GALNT13: variants seen among roughly 807,000 people sequenced by gnomAD.
GALNT13 encodes the protein polypeptide N-acetylgalactosaminyltransferase 13.
GALNT13 carries 28 observed loss-of-function variants against 64.2 expected under a neutral mutation model. The ratio of observed to expected loss-of-function variants is 0.44; its 90% CI spans 0.32 to 0.60. The LOEUF is 0.60. Among genes scored for constraint, GALNT13 ranks in the 20% least tolerant of loss-of-function variants. The probability of loss-of-function intolerance (pLI) is 0.05; values close to 1 mark genes in which losing one functional copy is unlikely to be tolerated. For missense variants in GALNT13, 577 were observed against 669.8 expected (o/e 0.86, Z 1.53); for synonymous variants, 214 against 224.6 (o/e 0.95, Z 0.42).
intron 3 of GALNT13, among the ~76,000 whole-genome samples, chr2:154,121,732 G>A (rs924031534): frequency 2.0e-5 from 3 of 148,236 alleles, no homozygotes; most frequent in African/African-American, 4.9e-5. Flanking sequence ...TATTGGTTTC[G>A]GGAATTTTTT....
the GALNT13 span, among the ~76,000 whole-genome samples, chr2:153,369,701 G>A: frequency 6.6e-6 from 1 of 152,116 alleles, no homozygotes; most frequent in Non-Finnish European, 1.5e-5. Flanking sequence ...TCCACCTTGG[G>A]CATTCTTTCT....
chr2:153,568,820 G>C, the GALNT13 span, among the ~76,000 whole-genome samples: 2 of 152,302 alleles, frequency 1.3e-5, no homozygotes, highest in South Asian at 4.1e-4. Context: ...TGGTATTGTG[G>C]ATTAGTTAAT....
At chr2:154,438,521 C>A (rs1043220858) in intron 11 of GALNT13, 71 bp from the exon 12 acceptor site, 2 of 1,167,028 alleles carry the variant, frequency 1.7e-6, no homozygotes, top group Non-Finnish European at 2.5e-6. Context: ...GAAAGCTTCC[C>A]TGGATAGATC....
chr2:153,312,938 A>G, the GALNT13 span, among the ~76,000 whole-genome samples: 1 of 152,234 alleles, frequency 6.6e-6, no homozygotes, highest in East Asian at 1.9e-4. Flanking sequence ...AGCGAATATG[A>G]GAACTTGATA....
chr2:154,225,638 A>G (rs1434472019), intron 4 of GALNT13, among the ~76,000 whole-genome samples: 1 of 152,150 alleles, frequency 6.6e-6, no homozygotes, highest in Non-Finnish European at 1.5e-5. Context: ...AAAATCACAG[A>G]CAAAGGGAGA....
intron 3 of GALNT13, among the ~76,000 whole-genome samples, chr2:154,024,461 C>A (rs182210446): frequency 3.3e-5 from 5 of 152,296 alleles, no homozygotes; most frequent in Non-Finnish European, 7.3e-5. Context: ...ATCACTGATA[C>A]CCTTTCTTCC....
chr2:153,527,636 C>A, the GALNT13 span, among the ~76,000 whole-genome samples: 4 of 152,044 alleles, frequency 2.6e-5, no homozygotes, highest in Admixed American at 1.3e-4. Context: ...AATATTATAA[C>A]CCTGTAACTG....
chr2:153,539,576 G>GT, the GALNT13 span, among the ~76,000 whole-genome samples: 3 of 151,890 alleles, frequency 2.0e-5, no homozygotes, highest in Non-Finnish European at 4.4e-5. Context: ...TGTATAAAGT[G>GT]TAAGGAAGGG....
At chr2:153,409,706 TAAAAAG>T in the GALNT13 span, among the ~76,000 whole-genome samples, 74 of 151,626 alleles carry the variant, frequency 4.9e-4, no homozygotes, top group African/African-American at 1.8e-3. Flanking sequence ...AACTAAGAAA[TAAAAAG>T]AACTGCGTAG....
chr2:153,474,529 A>C, the GALNT13 span, among the ~76,000 whole-genome samples: 1 of 152,200 alleles, frequency 6.6e-6, no homozygotes, highest in Non-Finnish European at 1.5e-5. Context: ...AAAGCTGTCC[A>C]GCACTCAAGC....
chr2:153,886,374 C>T (rs528335991), intron 1 of GALNT13, among the ~76,000 whole-genome samples: 14 of 151,742 alleles, frequency 9.2e-5, no homozygotes, highest in African/African-American at 2.2e-4. Context: ...CCCCCCACCC[C>T]GCAACAGGCC....
the GALNT13 span, among the ~76,000 whole-genome samples, chr2:153,474,885 G>GTT: frequency 3.4e-3 from 162 of 47,094 alleles, no homozygotes; most frequent in African/African-American, 0.011. Context: ...GAACCTGCCT[G>GTT]TTAAATTTAT....
At chr2:153,613,702 C>A in the GALNT13 span, among the ~76,000 whole-genome samples, 1 of 152,204 alleles carries the variant, frequency 6.6e-6, no homozygotes, top group East Asian at 1.9e-4. Flanking sequence ...TTAATTCCCA[C>A]CTATGAGTGA....
the GALNT13 span, among the ~76,000 whole-genome samples, chr2:153,205,504 G>A: frequency 1.3e-5 from 2 of 152,220 alleles, no homozygotes; most frequent in South Asian, 4.1e-4. Context: ...TGGTGAATCA[G>A]AGTTGTGCCT....
the GALNT13 span, among the ~76,000 whole-genome samples, chr2:153,540,851 C>T: frequency 6.6e-6 from 1 of 152,212 alleles, no homozygotes; most frequent in Non-Finnish European, 1.5e-5. Context: ...CCCATTGTAT[C>T]TAGAAAGTAA....
intron 2 of GALNT13, among the ~76,000 whole-genome samples, chr2:153,934,542 A>G (rs776876): frequency 0.99 from 151,455 of 152,322 alleles, 75,301 homozygotes; most frequent in Middle Eastern, 1. Context: ...AAGTACATGA[A>G]CCATCAAATG....
chr2:154,363,821 A>G (rs1010510382), intron 9 of GALNT13, among the ~76,000 whole-genome samples: 6 of 152,210 alleles, frequency 3.9e-5, no homozygotes, highest in Non-Finnish European at 8.8e-5. Context: ...ATATCACCCA[A>G]GTGCTTTATC....
chr2:153,272,732 G>T, the GALNT13 span, among the ~76,000 whole-genome samples: 7 of 152,134 alleles, frequency 4.6e-5, no homozygotes, highest in Non-Finnish European at 1.0e-4. Context: ...TCTAGAACCA[G>T]AAATACCATT....
intron 8 of GALNT13, among the ~76,000 whole-genome samples, chr2:154,268,079 T>A (rs1308995757): frequency 6.6e-6 from 1 of 152,204 alleles, no homozygotes; most frequent in Non-Finnish European, 1.5e-5. Context: ...TTTTAAACAC[T>A]CTTGAGTATT....
Sources: allele counts gnomAD v4.1 joint callset (sites outside exome capture counted in the v4.1 genomes callset), GRCh38; gene constraint gnomAD v4.1.1; transcripts MANE v1.5; gene names NCBI Gene and HGNC (gene_info 2026-07-23, HGNC 2026-07-21).